The following CYRIB variants were observed in gnomAD, a reference collection of about 807,000 sequenced individuals.
CYRIB encodes the protein CYFIP related Rac1 interactor B, also known as CYFIP-related Rac1 interactor B.
CYRIB carries 8 observed loss-of-function variants against 44.2 expected under a neutral mutation model. The ratio of observed to expected loss-of-function variants is 0.18; its 90% CI spans 0.11 to 0.33. The LOEUF is 0.33. Ranked by LOEUF, CYRIB falls within the 10% of genes least tolerant of loss-of-function variation. The probability of loss-of-function intolerance (pLI) is 1.00; values close to 1 mark genes in which losing one functional copy is unlikely to be tolerated. For missense variants in CYRIB, 185 were observed against 382.8 expected (o/e 0.48, Z 4.31); for synonymous variants, 131 against 127.2 (o/e 1.03, Z -0.20).
At chr8:129,865,454 T>C (rs899458949) in intron 4 of CYRIB, among the ~76,000 whole-genome samples, 4 of 152,230 alleles carry the variant, frequency 2.6e-5, no homozygotes, top group African/African-American at 9.6e-5. Flanking sequence ...ACCTTAACCC[T>C]ATGTCGTGAT....
At chr8:129,954,711 C>T (rs2094696292) in intron 2 of CYRIB, among the ~76,000 whole-genome samples, 1 of 152,214 alleles carries the variant, frequency 6.6e-6, no homozygotes, top group Non-Finnish European at 1.5e-5. Flanking sequence ...CAGTCATGAA[C>T]TCTGGACCCA....
At chr8:129,967,473 A>C (rs780652761) in intron 2 of CYRIB, among the ~76,000 whole-genome samples, 1 of 150,612 alleles carries the variant, frequency 6.6e-6, no homozygotes, top group Non-Finnish European at 1.5e-5. Context: ...TCCACCTCCC[A>C]GGTTCACGCC....
chr8:129,996,499 C>T lies in CYRIB; in HGVS notation c.-296+19871G>A, dbSNP rs999602285. On this transcript the variant is annotated intron_variant, in intron 1 of 14. Coordinates refer to the CYRIB transcript ENST00000401979. ...GGAAGACCCAGGAGGACAGAGGGGC[C>T]GTGGGGAAACAGAAGCCAAGTGGGA... Among the ~76,000 whole-genome samples, 13 of 152,244 alleles carry T rather than the reference C, an allele frequency of 8.5e-5. No homozygotes were observed. In the South Asian group the frequency reaches 1.2e-3, roughly 15 times the overall value.
intron 1 of CYRIB, among the ~76,000 whole-genome samples, chr8:129,991,133 GAAAAAAAAAAAA>G (rs35682865): frequency 3.0e-5 from 2 of 67,766 alleles, no homozygotes; most frequent in Non-Finnish European, 2.9e-5. Context: ...CTCTGTCTCA[GAAAAAAAAAAAA>G]AAAAAAAAAA....
At chr8:129,972,308 A>G (rs1201568955) in intron 1 of CYRIB, among the ~76,000 whole-genome samples, 1 of 152,198 alleles carries the variant, frequency 6.6e-6, no homozygotes, top group Non-Finnish European at 1.5e-5. Flanking sequence ...AGGATTTAAG[A>G]ACCATCTAGG....
At chr8:129,989,724 C>T (rs1205811560) in intron 1 of CYRIB, among the ~76,000 whole-genome samples, 1 of 151,258 alleles carries the variant, frequency 6.6e-6, no homozygotes, top group Non-Finnish European at 1.5e-5. Context: ...ATACATGTGC[C>T]ATGTTGGTGT....
chr8:129,937,397 G>A (rs1382836244), intron 1 of CYRIB, among the ~76,000 whole-genome samples: 1 of 152,122 alleles, frequency 6.6e-6, no homozygotes, highest in African/African-American at 2.4e-5. Context: ...TGGAGACTAG[G>A]AGTAAAATAA....
chr8:129,933,748 T>C (rs552228760), intron 1 of CYRIB, among the ~76,000 whole-genome samples: 13 of 151,984 alleles, frequency 8.6e-5, no homozygotes, highest in African/African-American at 3.1e-4. Context: ...GTGGCACGCA[T>C]CTGTAGTCCC....
intron 3 of CYRIB, among the ~76,000 whole-genome samples, chr8:129,872,258 T>C (rs939604624): frequency 6.6e-6 from 1 of 152,128 alleles, no homozygotes; most frequent in Admixed American, 6.5e-5. Flanking sequence ...TACTGAAATT[T>C]TGAAATACTA....
At chr8:129,926,595 T>C (rs991994522) in intron 1 of CYRIB, among the ~76,000 whole-genome samples, 4 of 134,434 alleles carry the variant, frequency 3.0e-5, no homozygotes, top group African/African-American at 1.1e-4. Context: ...GAGTTCCTAA[T>C]AATGGGATGT....
At chr8:129,871,469 T>C (rs763952357) in exon 4 of CYRIB, 1 of 1,610,510 alleles carries the variant, frequency 6.2e-7, no homozygotes, top group African/African-American at 1.3e-5. Flanking sequence ...ATTATAAATT[T>C]CCTTCTCAGA....
chr8:129,942,527 A>G (rs189271703), upstream of CYRIB, among the ~76,000 whole-genome samples: 2 of 152,340 alleles, frequency 1.3e-5, no homozygotes, highest in African/African-American at 4.8e-5. Flanking sequence ...CAAGACTCCT[A>G]TAAGAAGTGC....
At chr8:129,870,340 G>A (rs1274073060) in intron 4 of CYRIB, among the ~76,000 whole-genome samples, 1 of 152,254 alleles carries the variant, frequency 6.6e-6, no homozygotes. Context: ...AGCCCAGCAG[G>A]TTGAGGCTGT....
intron 1 of CYRIB, among the ~76,000 whole-genome samples, chr8:129,983,217 G>A (rs144875037): frequency 0.052 from 7,878 of 152,088 alleles, 202 homozygotes; most frequent in Middle Eastern, 0.071. Flanking sequence ...AGGCCGAGGC[G>A]GGCAGATCAC....
chr8:129,893,957 T>C (rs559933347), intron 2 of CYRIB, among the ~76,000 whole-genome samples: 1 of 152,336 alleles, frequency 6.6e-6, no homozygotes, highest in Non-Finnish European at 1.5e-5. Flanking sequence ...CGTGATATAC[T>C]GTGCATTCTT....
chr8:130,001,249 G>C (rs544856609), intron 1 of CYRIB, among the ~76,000 whole-genome samples: 1 of 152,098 alleles, frequency 6.6e-6, no homozygotes, highest in Non-Finnish European at 1.5e-5. Flanking sequence ...ACAGGAAGAG[G>C]GTTCTGAAAA....
At chr8:129,940,009 C>G (rs1027885874), upstream of CYRIB, 55 of 152,448 alleles carry the variant, frequency 3.6e-4, no homozygotes, top group African/African-American at 1.3e-3. Flanking sequence ...GCGGGCGCGG[C>G]GTGCAGAGGA....
At chr8:130,014,357 G>A (rs2097294356) in intron 1 of CYRIB, among the ~76,000 whole-genome samples, 1 of 152,192 alleles carries the variant, frequency 6.6e-6, no homozygotes. Flanking sequence ...TTGAGCCTGA[G>A]AGGTCAAGGT....
intron 1 of CYRIB, among the ~76,000 whole-genome samples, chr8:130,005,227 CT>C (rs1027300948): frequency 2.6e-5 from 4 of 152,168 alleles, no homozygotes; most frequent in African/African-American, 9.6e-5. Flanking sequence ...GCTTTTAGGT[CT>C]TGGGGGCACG....
Sources: allele counts gnomAD v4.1 joint callset (sites outside exome capture counted in the v4.1 genomes callset), GRCh38; gene constraint gnomAD v4.1.1; transcripts MANE v1.5; gene names NCBI Gene and HGNC (gene_info 2026-07-23, HGNC 2026-07-21).